KCP: variants seen among roughly 807,000 people sequenced by gnomAD.
KCP encodes kielin/chordin-like protein.
In KCP, 194 loss-of-function variants were observed where a neutral mutation model predicts 212.7. That is an observed-to-expected ratio of 0.91 (90% confidence interval 0.81 to 1.03). The LOEUF (loss-of-function observed/expected upper bound fraction) is 1.03, where lower values mean the gene tolerates loss of function less well. Among genes scored for constraint, KCP ranks in the 50% least tolerant of loss-of-function variants. KCP has a pLI of 0.00. For missense variants in KCP, 2,080 were observed against 2,162.5 expected, an observed-to-expected ratio of 0.96 and a Z score of 0.76; for synonymous variants, 833 against 865.3, an observed-to-expected ratio of 0.96 and a Z score of 0.65.
chr7:128,889,075 A>G, intron 21 of KCP, 36 bp from the exon 22 acceptor site: 1 of 1,447,348 alleles, frequency 6.9e-7, no homozygotes, highest in East Asian at 2.5e-5. Context: ...GAGGGGAGGG[A>G]CAGAAAGGGA....
At chr7:128,877,340 C>T (rs1233770723) in intron 39 of KCP, 29 bp from the exon 40 acceptor site, 5 of 1,526,026 alleles carry the variant, frequency 3.3e-6, no homozygotes, top group Middle Eastern at 2.1e-4. Context: ...GCGGGGTTAC[C>T]AAGGCACCTG....
Position 128,907,437 on chromosome 7 carries a change from G to GTC in KCP, c.234_235dup (p.Thr79ArgfsTer4). 6.7e-7 allele frequency: 1 copy of GTC among 1,496,116 alleles called. No homozygotes were observed. 92.7% of individuals were successfully genotyped at this position (1,496,116 alleles called of 1,614,324 possible). On this transcript the variant is annotated frameshift_variant, in exon 3 of 40. Coordinates refer to ENST00000610776, the MANE Select transcript of KCP (RefSeq NM_001366122.1). LOFTEE classifies it high-confidence loss of function. ...ACAGGACTCCAGCTGCCTCACCCTC[G>GTC]TCTGCAGGTCCTTATTCTGGAGGAA...
rs1793273796 is a variant in KCP at position 128,880,658 on chromosome 7, T to A, written c.3577A>T (p.Lys1193Ter). Reference protein sequence around the residue: ...QALSCPHGWAKVPQADSCCER... With the variant: ...QALSCPHGWA ...CAGCAGCTGTCAGCCTGGGGCACCT[T>A]CGCCCAGCCATGGGGGCAGGAGAGG... Residue 1193 changes from lysine (K) to a stop codon, truncating the protein, a stop_gained, in exon 33 of 40, where the codon AAG (lysine) becomes TAG (stop). Transcript: ENST00000610776. LOFTEE classifies it high-confidence loss of function. The A allele has an allele frequency of 1.3e-6, 1 of 777,516 alleles. No homozygotes were observed. The highest frequency in any genetic ancestry group is 1.8e-5 in the African/African-American group (1 of 55,470). The allele number at this position is 777,516 out of a possible 1,614,324, so 48.2% of individuals were successfully genotyped here. A position where few individuals can be genotyped will look rare whatever the true frequency, so the allele number is the denominator to read the frequency against.
chr7:128,881,988 C>T lies in KCP; in HGVS notation c.3273G>A (p.Leu1091=). The T allele has an allele frequency of 6.4e-7, 1 of 1,551,330 alleles. No individual in the cohort carries two copies. The highest frequency in any genetic ancestry group is 1.2e-5 in the South Asian group (1 of 84,058). Residue 1091 remains leucine, a synonymous_variant, in exon 30 of 40, where the codon CTG becomes CTA. Coordinates refer to ENST00000610776, the MANE Select transcript of KCP (RefSeq NM_001366122.1). ...AEALSNCSEG[L]LGSELAPPDP... ...CTGGTGGGGCTAGCTCAGATCCCAG[C>T]AGGCCCTCTGAACAGTTACTCAAGG...
chr7:128,883,591 A>G (rs1793460405), intron 29 of KCP, among the ~76,000 whole-genome samples: 2 of 152,230 alleles, frequency 1.3e-5, no homozygotes, highest in Admixed American at 6.5e-5. Flanking sequence ...AGGAGACAGA[A>G]ATTGGCCATC....
chr7:128,903,417 G>A, intron 7 of KCP: 1 of 431,272 alleles, frequency 2.3e-6, no homozygotes, highest in Non-Finnish European at 4.1e-6. Context: ...GTATGACTCA[G>A]TGTCACACTC....
intron 13 of KCP, 48 bp downstream of exon 13, chr7:128,893,190 C>T (rs1794285810): frequency 2.0e-6 from 3 of 1,531,142 alleles, no homozygotes; most frequent in Non-Finnish European, 2.7e-6. Flanking sequence ...TTCTGCAGCC[C>T]TCAGAGGCAG....
At position 128,890,404 on chromosome 7, in the gene KCP, C is replaced by T; in HGVS notation, c.2274G>A (p.Lys758=). ...AGGGGCACAGTGCAGGGGCACATGC[C>T]TTGGGCTCGCAGCTCACGCTGCCCT... The part of the protein sequence containing the change: ...CWEGSVSCEP[K]ACAPALCPFP... Residue 758 remains lysine, a synonymous_variant, in exon 21 of 40, where the codon AAG becomes AAA. Coordinates refer to ENST00000610776, the MANE Select transcript of KCP (RefSeq NM_001366122.1). 2 of 1,551,276 alleles carry T rather than the reference C, an allele frequency of 1.3e-6. No individual in the cohort carries two copies. The highest frequency in any genetic ancestry group is 8.7e-7 in the Non-Finnish European group (1 of 1,147,008).
At chr7:128,899,872 A>ATGTAAGGAATCATGATTCCTTAAGGAATC in intron 8 of KCP, among the ~76,000 whole-genome samples, 56 of 151,968 alleles carry the variant, frequency 3.7e-4, no homozygotes, top group African/African-American at 1.3e-3. Flanking sequence ...TTAAGGAATC[A>ATGTAAGGAATCATGATTCCTTAAGGAATC]AATTTGACTT....
chr7:128,903,317 G>C (rs1794957031), intron 7 of KCP: 1 of 279,366 alleles, frequency 3.6e-6, no homozygotes, highest in African/African-American at 2.2e-5. Flanking sequence ...CTGTGCCCAG[G>C]CTGGATTCGG....
In KCP at chr7:128,890,464, C is replaced by T. The variant is rs1222621590; in HGVS notation, c.2214G>A (p.Ser738=). Residue 738 remains serine (S), a synonymous_variant, in exon 21 of 40, where the codon TCG becomes TCA. Coordinates refer to ENST00000610776, the MANE Select transcript of KCP (RefSeq NM_001366122.1). The part of the protein sequence containing the change: ...KEFASGERFP[S]PTAACHLCLC... ...GGCAGAGGTGGCAGGCAGCAGTGGG[C>T]GATGGGAAGCGCTCCCCGCTGGCAA... 2.6e-6 allele frequency: 4 copies of T among 1,550,798 alleles called. No homozygotes were observed. The highest frequency in any genetic ancestry group is 2.0e-5 in the Admixed American group (1 of 50,990).
Position 128,886,708 on chromosome 7 carries a change from C to T in KCP, c.2719G>A (p.Asp907Asn). The T allele has an allele frequency of 6.4e-7, 1 of 1,551,664 alleles. No individual in the cohort carries two copies. ...GCTGGTCCCTCAAACTCCTCCCCATCCTGGTGCTCCCGGCCCTGAGAGAGA... is the reference window on the plus strand; with the variant it reads ...GCTGGTCCCTCAAACTCCTCCCCATTCTGGTGCTCCCGGCCCTGAGAGAGA... ...SCLSQGREHQ[D>N]GEEFEGPAGS... The change falls in exon 25 of 40, where the codon GAT becomes AAT. Residue 907 changes from aspartate (D) to asparagine (N), a missense_variant. Coordinates refer to ENST00000610776, the MANE Select transcript of KCP (RefSeq NM_001366122.1).
intron 5 of KCP, among the ~76,000 whole-genome samples, chr7:128,905,232 CG>C (rs1795066351): frequency 6.6e-6 from 1 of 152,064 alleles, no homozygotes; most frequent in South Asian, 2.1e-4. Flanking sequence ...AAGAATAAGA[CG>C]TCAATTTTAG....
rs531237828 is a variant in KCP at position 128,877,145 on chromosome 7, G to C, written c.4785C>G (p.Ala1595=). ...QCPAGLVEHE[A]HCIPPEACPQ... Reference sequence around the variant, plus strand: ...GGCAGGCCTCGGGTGGGATGCAGTGGGCCTCATGCTCCACCAGGCCTGCAG... The same window carrying C: ...GGCAGGCCTCGGGTGGGATGCAGTGCGCCTCATGCTCCACCAGGCCTGCAG... The change falls in exon 40 of 40, where the codon GCC becomes GCG. Residue 1595 remains alanine (A), a synonymous_variant. Coordinates refer to ENST00000610776, the MANE Select transcript of KCP (RefSeq NM_001366122.1). 511 of 1,504,474 alleles carry C rather than the reference G, an allele frequency of 3.4e-4. No individual in the cohort carries two copies. The African/African-American group carries it at 6.5e-3, about 19-fold the overall frequency. The allele number at this position is 1,504,474 out of a possible 1,614,324, so 93.2% of individuals were successfully genotyped here.
At chr7:128,887,327 G>C in intron 22 of KCP, 27 bp from the exon 23 acceptor site, 1 of 1,530,996 alleles carries the variant, frequency 6.5e-7, no homozygotes, top group Non-Finnish European at 8.9e-7. Context: ...TCCAACAGAA[G>C]AGCTGCCATC....
intron 22 of KCP, among the ~76,000 whole-genome samples, 184 bp downstream of exon 22, chr7:128,888,675 TACAC>T (rs1793895441): frequency 6.7e-6 from 1 of 150,230 alleles, no homozygotes; most frequent in Admixed American, 6.6e-5. Context: ...GAGCCACACA[TACAC>T]ACACACATAC....
intron 8 of KCP, among the ~76,000 whole-genome samples, chr7:128,899,273 A>G (rs961297953): frequency 6.6e-6 from 1 of 152,226 alleles, no homozygotes; most frequent in Admixed American, 6.5e-5. Context: ...TTTCCTTATC[A>G]ATTGTGGCTT....
At chr7:128,882,037 A>G (rs765077094) in intron 29 of KCP, 21 bp from the exon 30 acceptor site, 2 of 1,536,884 alleles carry the variant, frequency 1.3e-6, no homozygotes, top group African/African-American at 1.4e-5. Flanking sequence ...AAGAATCCAG[A>G]GTGCGGGACA....
rs1170041617 is a variant in KCP, at chr7:128,907,374, C to T, written c.299G>A (p.Gly100Glu). 4 of 1,540,956 alleles carry T rather than the reference C, an allele frequency of 2.6e-6. No individual in the cohort carries two copies. Among genetic ancestry groups the T allele is most frequent in the Non-Finnish European group, 1.8e-6 (2 of 1,138,878 alleles). The change falls in exon 3 of 40, where the codon GGG becomes GAG. Residue 100 changes from glycine to glutamate, a missense_variant. Physicochemically the swap from Gly to Glu is moderately conservative, Grantham distance 98. Coordinates refer to ENST00000610776, the MANE Select transcript of KCP (RefSeq NM_001366122.1). ...HPASPQCWGLGRAWPEGARWE... is the reference protein window; with the variant it reads ...HPASPQCWGLERAWPEGARWE... The stretch of plus-strand genomic sequence containing the variant: ...GCGTGCCCCCTCGGGCCAGGCACGC[C>T]CCAGCCCCCAGCACTGGGGAGATGC...
Sources: allele counts gnomAD v4.1 joint callset (sites outside exome capture counted in the v4.1 genomes callset), GRCh38; gene constraint gnomAD v4.1.1; transcripts MANE v1.5; gene names NCBI Gene and HGNC (gene_info 2026-07-23, HGNC 2026-07-21).